PTPRN2: variants seen among roughly 807,000 people sequenced by gnomAD.
The protein encoded by PTPRN2 is receptor-type tyrosine-protein phosphatase N2.
Under a neutral mutation model 118.8 loss-of-function variants are expected in PTPRN2, and 74 were observed. The ratio of observed to expected loss-of-function variants is 0.62; its 90% CI spans 0.52 to 0.76. The LOEUF (loss-of-function observed/expected upper bound fraction) is 0.76, where lower values mean the gene tolerates loss of function less well. PTPRN2 is among the 30% of genes least tolerant of loss of function. The pLI is 0.00. For missense variants in PTPRN2, 1,481 were observed against 1,394.4 expected (o/e 1.06, Z -0.99); for synonymous variants, 641 against 608.0 (o/e 1.05, Z -0.80).
intron 1 of PTPRN2, among the ~76,000 whole-genome samples, chr7:158,548,800 C>T (rs533421948): frequency 3.9e-5 from 6 of 152,326 alleles, no homozygotes; most frequent in Admixed American, 6.5e-5. Context: ...AGGCAGGAGC[C>T]GCCCTGACCA....
chr7:158,270,523 T>C (rs1201528954), intron 3 of PTPRN2, among the ~76,000 whole-genome samples: 2 of 152,070 alleles, frequency 1.3e-5, no homozygotes, highest in Non-Finnish European at 2.9e-5. Context: ...CCTCTGCCTA[T>C]GACCAGGCCA....
chr7:158,128,946 AACAC>A (rs113152022), intron 9 of PTPRN2, among the ~76,000 whole-genome samples: 5 of 149,830 alleles, frequency 3.3e-5, no homozygotes, highest in East Asian at 3.9e-4. Flanking sequence ...CAGGCAACCA[AACAC>A]ACACACACAC....
intron 11 of PTPRN2, among the ~76,000 whole-genome samples, chr7:158,035,173 G>A (rs998009677): frequency 5.9e-5 from 9 of 152,222 alleles, no homozygotes; most frequent in Non-Finnish European, 1.3e-4. Context: ...ACACGCATCA[G>A]CATGACAATA....
At chr7:158,500,889 C>A (rs1349961797) in intron 1 of PTPRN2, among the ~76,000 whole-genome samples, 1 of 152,368 alleles carries the variant, frequency 6.6e-6, no homozygotes. Context: ...CTAACCAGTT[C>A]CCAGGCAAGG....
chr7:158,249,142 T>C (rs941393927), intron 3 of PTPRN2, among the ~76,000 whole-genome samples: 1 of 149,326 alleles, frequency 6.7e-6, no homozygotes, highest in African/African-American at 2.5e-5. Flanking sequence ...CACACGTGAA[T>C]CACATATTCA....
intron 2 of PTPRN2, among the ~76,000 whole-genome samples, chr7:158,331,106 C>T (rs141496500): frequency 1.6e-4 from 21 of 131,806 alleles, no homozygotes; most frequent in Middle Eastern, 4.2e-3. Flanking sequence ...GCAGACGTCA[C>T]TCACACCCAC....
At position 157,779,238 on chromosome 7, in the gene PTPRN2, C is replaced by T. The variant is rs1803528907; in HGVS notation, c.1789-96301G>A. On this transcript the variant is annotated intron_variant, in intron 12 of 22. Transcript: ENST00000389418. This position sits in a 1 kb window ranked among gnomAD's most constrained non-coding sequence, Gnocchi z 4.7. ...GGCTGCCTCCTTGCCATGGGAGCCC[C>T]GCCCTGGCTGCCAGGCTTCCCTGGG... Among the ~76,000 whole-genome samples the T allele has an allele frequency of 1.3e-5, 2 of 152,178 alleles. No homozygotes were observed. Among genetic ancestry groups the T allele is most frequent in the African/African-American group, 2.4e-5 (1 of 41,452 alleles).
At chr7:158,287,782 A>C (rs1799859260) in intron 3 of PTPRN2, among the ~76,000 whole-genome samples, 2 of 152,088 alleles carry the variant, frequency 1.3e-5, no homozygotes, top group Non-Finnish European at 2.9e-5. Flanking sequence ...AAGAATGTGT[A>C]TTTGCTACCA....
chr7:157,844,481 G>A (rs1031130496), intron 12 of PTPRN2, among the ~76,000 whole-genome samples: 6 of 152,154 alleles, frequency 3.9e-5, no homozygotes, highest in East Asian at 1.9e-4. Flanking sequence ...GCAGAGGAAC[G>A]ACCCAAAGCC....
At chr7:158,537,094 A>C (rs1825691420) in intron 1 of PTPRN2, among the ~76,000 whole-genome samples, 2 of 152,174 alleles carry the variant, frequency 1.3e-5, no homozygotes, top group African/African-American at 2.4e-5. Context: ...TCCCAGTGAG[A>C]AGACAGGCCT....
At chr7:158,499,807 G>GTGTGTATA (rs763360985) in intron 1 of PTPRN2, among the ~76,000 whole-genome samples, 30 of 148,974 alleles carry the variant, frequency 2.0e-4, no homozygotes, top group African/African-American at 6.9e-4. Context: ...GTGTGTGTGT[G>GTGTGTATA]TATATATATA....
intron 2 of PTPRN2, among the ~76,000 whole-genome samples, chr7:158,357,021 A>G (rs1413035389): frequency 6.6e-6 from 1 of 152,158 alleles, no homozygotes; most frequent in Non-Finnish European, 1.5e-5. Flanking sequence ...TGGACTGCAG[A>G]GTTAGTTTTT....
chr7:157,958,979 A>C (rs1801357789), intron 11 of PTPRN2, among the ~76,000 whole-genome samples: 1 of 152,224 alleles, frequency 6.6e-6, no homozygotes, highest in African/African-American at 2.4e-5. Context: ...TGCTGATTTA[A>C]ACTTACAACA....
chr7:157,997,263 G>A (rs762221324), intron 11 of PTPRN2, among the ~76,000 whole-genome samples: 13 of 152,228 alleles, frequency 8.5e-5, no homozygotes, highest in Non-Finnish European at 1.3e-4. Context: ...CCCTGGGCCC[G>A]CCTGGCCTGG....
chr7:158,269,135 C>G (rs1798126958), intron 3 of PTPRN2, among the ~76,000 whole-genome samples: 1 of 152,176 alleles, frequency 6.6e-6, no homozygotes, highest in Non-Finnish European at 1.5e-5. Flanking sequence ...CTCCGGTCAC[C>G]CCCACCTTCT....
Position 157,801,993 on chromosome 7 carries a change from G to A in PTPRN2, c.1788+96680C>T, listed in dbSNP as rs1315332022. Among the ~76,000 whole-genome samples, 1 of 152,184 alleles carries A rather than the reference G, an allele frequency of 6.6e-6. No individual in the cohort carries two copies. The highest frequency in any genetic ancestry group is 1.5e-5 in the Non-Finnish European group (1 of 68,030). On this transcript the variant is annotated intron_variant, in intron 12 of 22. Coordinates refer to ENST00000389418, the MANE Select transcript of PTPRN2 (RefSeq NM_002847.5). This position sits in a 1 kb window ranked among gnomAD's most constrained non-coding sequence, Gnocchi z 4.2. ...TGACCTTTTCTGGCTTGTGGCACCT[G>A]GCTGGACTTCTCGGCGTGCAGCTCC...
chr7:158,267,997 G>T (rs1235716370), intron 3 of PTPRN2, among the ~76,000 whole-genome samples: 1 of 152,190 alleles, frequency 6.6e-6, no homozygotes, highest in Non-Finnish European at 1.5e-5. Context: ...TATGTGCACA[G>T]AGATGCTGCC....
intron 11 of PTPRN2, among the ~76,000 whole-genome samples, chr7:157,949,215 T>C (rs1030319866): frequency 6.6e-6 from 1 of 152,188 alleles, no homozygotes; most frequent in African/African-American, 2.4e-5. Context: ...GGATCCAAAG[T>C]TGAAAGTAAA....
intron 2 of PTPRN2, among the ~76,000 whole-genome samples, chr7:158,449,201 G>A (rs1030415840): frequency 2.6e-5 from 4 of 152,180 alleles, no homozygotes; most frequent in African/African-American, 4.8e-5. Context: ...GGTCATGCGT[G>A]GGGTAGGGAT....
Sources: gnomAD v4.1 joint callset for allele counts (sites outside exome capture counted in the v4.1 genomes callset) on GRCh38, gnomAD v4.1.1 for gene constraint, Gnocchi (gnomAD v3.1) non-coding constraint, MANE v1.5 for transcripts, NCBI Gene and HGNC (gene_info 2026-07-23, HGNC 2026-07-21) for gene names.